CAPZB: variants seen among roughly 807,000 people sequenced by gnomAD.
CAPZB encodes capping actin protein of muscle Z-line subunit beta, also known as F-actin-capping protein subunit beta.
Under a neutral mutation model 38.1 loss-of-function variants are expected in CAPZB, and 2 were observed. That is an observed-to-expected ratio of 0.05 (90% CI 0.02 to 0.17). CAPZB has a LOEUF of 0.17. Ranked by LOEUF, CAPZB falls within the 10% of genes least tolerant of loss-of-function variation. CAPZB has a pLI of 1.00. For synonymous variants in CAPZB, 107 were observed against 127.4 expected (o/e 0.84, Z 1.08); for missense variants, 161 against 334.2 (o/e 0.48, Z 4.04).
chr1:19,339,875 GC>G (rs1277313193), intron 8 of CAPZB, among the ~76,000 whole-genome samples: 1 of 152,210 alleles, frequency 6.6e-6, no homozygotes, highest in African/African-American at 2.4e-5. Context: ...GCTCATCTCT[GC>G]CCCTGGCCAC....
Position 19,339,407 on chromosome 1 carries a change from A to G in CAPZB, c.*123T>C, listed in dbSNP as rs964293204. The stretch of plus-strand genomic sequence containing the variant: ...AGGGAGAGATGGCGCTGTGCGGTCA[A>G]TGATGCAGCTGTTATGTGACCTGTC... On this transcript the variant is annotated 3_prime_UTR_variant, in exon 9 of 9. Transcript: ENST00000264202. The G allele has an allele frequency of 3.9e-6, 3 of 769,934 alleles. No homozygotes were observed. Among genetic ancestry groups the G allele is most frequent in the African/African-American group, 1.7e-5 (1 of 58,616 alleles). The allele number at this position is 769,934 out of a possible 1,614,324, so 47.7% of individuals were successfully genotyped here. A position where few individuals can be genotyped will look rare whatever the true frequency, so the allele number is the denominator to read the frequency against.
intron 1 of CAPZB, among the ~76,000 whole-genome samples, chr1:19,462,797 A>C (rs2094556413): frequency 6.6e-6 from 1 of 152,254 alleles, no homozygotes; most frequent in Admixed American, 6.5e-5. Flanking sequence ...CTGTTCGCTA[A>C]GGCAGCCACT....
In CAPZB at chr1:19,361,515, G is replaced by A. The variant is rs74735583; in HGVS notation, c.330-3952C>T. Among the ~76,000 whole-genome samples the A allele has an allele frequency of 7.2e-3, 1,101 of 152,346 alleles. 11 individuals are homozygous for A. The highest frequency in any genetic ancestry group is 0.025 in the African/African-American group (1,044 of 41,572). On this transcript the variant is annotated intron_variant, in intron 4 of 8. Coordinates refer to ENST00000264202, the MANE Select transcript of CAPZB (RefSeq NM_004930.5). ...CCTGCGAGTGCCATCAGGGCGCTCC[G>A]GCACCTTCAGGAGGGAGGTGACTGC...
chr1:19,392,233 C>T (rs759080230), intron 2 of CAPZB, among the ~76,000 whole-genome samples: 1 of 150,352 alleles, frequency 6.7e-6, no homozygotes, highest in African/African-American at 2.4e-5. Context: ...CTGCAGGAGA[C>T]GACAGAAGGG....
intron 2 of CAPZB, among the ~76,000 whole-genome samples, chr1:19,406,461 G>T (rs1200176918): frequency 2.0e-5 from 3 of 152,172 alleles, no homozygotes; most frequent in Non-Finnish European, 4.4e-5. Context: ...CCACTACGGA[G>T]ACTGAGTAAC....
At chr1:19,472,147 AC>A (rs1402436742) in intron 1 of CAPZB, among the ~76,000 whole-genome samples, 1 of 152,248 alleles carries the variant, frequency 6.6e-6, no homozygotes, top group East Asian at 1.9e-4. Flanking sequence ...TAGAGGAAGG[AC>A]AGATGAAATC....
intron 4 of CAPZB, among the ~76,000 whole-genome samples, chr1:19,376,862 T>C (rs1271496389): frequency 6.6e-6 from 1 of 152,198 alleles, no homozygotes; most frequent in Non-Finnish European, 1.5e-5. Context: ...TGGGTAAGGA[T>C]GGTTTGATAT....
At chr1:19,366,372 C>T (rs541070979) in intron 4 of CAPZB, among the ~76,000 whole-genome samples, 22 of 149,866 alleles carry the variant, frequency 1.5e-4, no homozygotes, top group Non-Finnish European at 2.8e-4. Flanking sequence ...ATGACAAAGA[C>T]AAGGTCATAC....
chr1:19,449,025 C>A, intron 1 of CAPZB: 1 of 1,523,724 alleles, frequency 6.6e-7, no homozygotes, highest in Non-Finnish European at 8.9e-7. Context: ...CTGCTCGCTG[C>A]CCGCTCCTGA....
chr1:19,446,310 T>C (rs1024931925), intron 1 of CAPZB, among the ~76,000 whole-genome samples: 2 of 152,078 alleles, frequency 1.3e-5, no homozygotes, highest in African/African-American at 2.4e-5. Flanking sequence ...CCTGACAACA[T>C]GTTAGTCCCT....
intron 6 of CAPZB, among the ~76,000 whole-genome samples, chr1:19,350,728 C>G (rs214332): frequency 0.26 from 40,072 of 151,938 alleles, 5,457 homozygotes; most frequent in South Asian, 0.32. Flanking sequence ...CATCCTCCCA[C>G]CTCAGCCTCC....
At chr1:19,363,198 C>T (rs1460433740) in intron 4 of CAPZB, among the ~76,000 whole-genome samples, 4 of 151,730 alleles carry the variant, frequency 2.6e-5, no homozygotes, top group African/African-American at 9.7e-5. Context: ...CCTCCTTCCC[C>T]AGCCTCCCAA....
At chr1:19,391,197 T>C (rs553187958) in intron 2 of CAPZB, among the ~76,000 whole-genome samples, 1 of 152,158 alleles carries the variant, frequency 6.6e-6, no homozygotes, top group African/African-American at 2.4e-5. Flanking sequence ...CCTCTTCCTC[T>C]TCTCCATTAG....
rs145353752 is a variant in CAPZB, at chr1:19,470,741, A to C, written c.3+14695T>G. Among the ~76,000 whole-genome samples the C allele has an allele frequency of 5.9e-3, 891 of 152,302 alleles. 5 individuals carry two copies. Among genetic ancestry groups the C allele is most frequent in the African/African-American group, 0.02 (829 of 41,566 alleles). ...TCAGAGCAGCTGGGTTCAAGACCTGACTCTGCCACTTATTGGCAATTTATA... is the reference window on the plus strand; with the variant it reads ...TCAGAGCAGCTGGGTTCAAGACCTGCCTCTGCCACTTATTGGCAATTTATA... On this transcript the variant is annotated intron_variant, in intron 1 of 8. Coordinates refer to ENST00000264202, the MANE Select transcript of CAPZB (RefSeq NM_004930.5).
chr1:19,417,050 T>C (rs2094383083), intron 2 of CAPZB, among the ~76,000 whole-genome samples: 1 of 151,878 alleles, frequency 6.6e-6, no homozygotes, highest in Non-Finnish European at 1.5e-5. Context: ...CTCTTGATAC[T>C]CTCCTTCATT....
intron 1 of CAPZB, among the ~76,000 whole-genome samples, chr1:19,447,012 ATACTAT>A (rs2094498197): frequency 6.6e-6 from 1 of 152,170 alleles, no homozygotes; most frequent in Admixed American, 6.5e-5. Context: ...CAAACAAAAA[ATACTAT>A]TACTGAGTAT....
intron 1 of CAPZB, among the ~76,000 whole-genome samples, chr1:19,442,009 CAAAAA>C (rs11384902): frequency 3.5e-5 from 3 of 86,056 alleles, no homozygotes; most frequent in African/African-American, 4.9e-5. Context: ...ACTCTGTCTC[CAAAAA>C]AAAAAAAAAA....
At chr1:19,395,990 TA>T (rs2094265765) in intron 2 of CAPZB, among the ~76,000 whole-genome samples, 1 of 152,206 alleles carries the variant, frequency 6.6e-6, no homozygotes, top group Admixed American at 6.5e-5. Context: ...CCTGCATGTC[TA>T]TCCAGACCAC....
intron 1 of CAPZB, among the ~76,000 whole-genome samples, chr1:19,458,902 G>C (rs1240729983): frequency 1.3e-5 from 2 of 152,214 alleles, no homozygotes; most frequent in East Asian, 3.8e-4. Flanking sequence ...GAAAAATGCA[G>C]GCAGGCTTCT....
Sources: allele counts gnomAD v4.1 joint callset (sites outside exome capture counted in the v4.1 genomes callset), GRCh38; gene constraint gnomAD v4.1.1; transcripts MANE v1.5; gene names NCBI Gene and HGNC (gene_info 2026-07-23, HGNC 2026-07-21).